XRCC3: variants seen among roughly 807,000 people sequenced by gnomAD.
XRCC3 encodes X-ray repair cross complementing 3, also known as DNA repair protein XRCC3.
Under a neutral mutation model 29.2 loss-of-function variants are expected in XRCC3, and 34 were observed. The ratio of observed to expected loss-of-function variants is 1.16; its 90% confidence interval spans 0.88 to 1.55. The LOEUF (loss-of-function observed/expected upper bound fraction) is 1.55. Among genes scored for constraint, XRCC3 ranks in the 40% most tolerant of loss-of-function variants. The pLI is 0.00. For synonymous variants in XRCC3, 223 were observed against 211.3 expected (o/e 1.06, Z -0.48); for missense variants, 463 against 467.6 (o/e 0.99, Z 0.09).
Position 103,703,173 on chromosome 14 carries a change from C to A in XRCC3, c.561G>T (p.Val187=), listed in dbSNP as rs2151930785. ...GTCATGGGGCTTCTCCCACACTCACCACATCGGCCACGTGCTCGATGAAGA... is the reference window on the plus strand; with the variant it reads ...GTCATGGGGCTTCTCCCACACTCACAACATCGGCCACGTGCTCGATGAAGA... ...SQIFIEHVAD[V]DTLLECVNKK... Residue 187 remains valine, a splice_region_variant and synonymous_variant, in exon 7 of 10, where the codon GTG becomes GTT. Coordinates refer to ENST00000555055, the MANE Select transcript of XRCC3 (RefSeq NM_005432.4). The A allele has an allele frequency of 6.4e-7, 1 of 1,567,590 alleles. No individual in the cohort carries two copies. The highest frequency in any genetic ancestry group is 1.2e-5 in the South Asian group (1 of 85,964).
At chr14:103,713,743 G>A (rs2083709879) in intron 1 of XRCC3, 1 of 152,274 alleles carries the variant, frequency 6.6e-6, no homozygotes, top group African/African-American at 2.4e-5. Flanking sequence ...ATGTTTTGGG[G>A]TGACCTGACC....
In XRCC3 at chr14:103,701,267, C is replaced by A. The variant is rs2083177814; in HGVS notation, c.562-1691G>T. ...GTGGCCCGGAGCTGGCCCGGGACAG[C>A]CAGGGCGGCAGGGAGGGCCCCTGGC... is the stretch of plus-strand genomic sequence containing the variant. On this transcript the variant is annotated intron_variant, in intron 7 of 9. Coordinates refer to ENST00000555055, the MANE Select transcript of XRCC3 (RefSeq NM_005432.4). The A allele has an allele frequency of 5.2e-6, 8 of 1,526,200 alleles. No individual in the cohort carries two copies. The Admixed American group carries it at 1.6e-4, about 30-fold the overall frequency. The allele number at this position is 1,526,200 out of a possible 1,614,324, so 94.5% of individuals were successfully genotyped here. A position where few individuals can be genotyped will look rare whatever the true frequency, so the allele number is the denominator to read the frequency against.
chr14:103,699,687 G>T, intron 7 of XRCC3, 111 bp from the exon 8 acceptor site: 1 of 1,019,466 alleles, frequency 9.8e-7, no homozygotes. Flanking sequence ...ACCCACCTGG[G>T]GCTCACAGTG....
intron 7 of XRCC3, chr14:103,699,904 C>T (rs912746475): frequency 2.8e-5 from 11 of 394,206 alleles, no homozygotes; most frequent in Non-Finnish European, 4.8e-5. Context: ...TTGCGGGGGT[C>T]TGCTCTCCTT....
chr14:103,707,372 AG>A, intron 5 of XRCC3, 157 bp from the exon 6 acceptor site: 1 of 806,072 alleles, frequency 1.2e-6, no homozygotes, highest in South Asian at 1.5e-5. Context: ...GAGGGCAGGG[AG>A]GGGGGCCCAG....
intron 2 of XRCC3, chr14:103,711,965 C>T (rs1452379456): frequency 2.9e-6 from 1 of 349,568 alleles, no homozygotes; most frequent in Non-Finnish European, 5.7e-6. Flanking sequence ...AGGCCTGGCG[C>T]CCTTGGCCGT....
rs2083617355 is a variant in XRCC3 at position 103,711,301 on chromosome 14, C to T, written c.-158-56G>A. On this transcript the variant is annotated intron_variant, in intron 3 of 9. Transcript: ENST00000555055. ...GAAGGCTGTCTAGCTACATCTAGGG[C>T]AACATGTCTGTCATTTACCTCTAAG... The T allele has an allele frequency of 1.2e-5, 8 of 681,356 alleles. No individual in the cohort carries two copies. In the South Asian group the frequency reaches 1.2e-4, roughly 11 times the overall value. The allele number at this position is 681,356 out of a possible 1,614,324, so 42.2% of individuals were successfully genotyped here.
intron 4 of XRCC3, 42 bp from the exon 5 acceptor site, chr14:103,708,701 C>A: frequency 1.2e-6 from 2 of 1,613,210 alleles, no homozygotes; most frequent in South Asian, 2.2e-5. Flanking sequence ...GTCAGACTGT[C>A]ACAACGCAGG....
In XRCC3 at chr14:103,699,003, C is replaced by G. The variant is rs745564626; in HGVS notation, c.836G>C (p.Arg279Pro). 6.3e-7 allele frequency: 1 copy of G among 1,590,896 alleles called. No individual in the cohort carries two copies. The highest frequency in any genetic ancestry group is 1.3e-5 in the African/African-American group (1 of 74,376). ...GGTTATGCCAAGGGCTGGGGAAACA[C>G]GTTCGTCCCAGAACCTGAGAAACAG... ...AHGPLGFWDE[R>P]VSPALGITWA... Residue 279 changes from arginine to proline, a missense_variant, in exon 10 of 10, where the codon CGT (arginine) becomes CCT (proline). Transcript: ENST00000555055.
intron 4 of XRCC3, chr14:103,709,587 TG>T (rs1033494779): frequency 6.6e-6 from 1 of 152,246 alleles, no homozygotes; most frequent in Non-Finnish European, 1.5e-5. Context: ...AGGGTGGGAA[TG>T]AAGAAAGCGC....
At chr14:103,710,644 G>C (rs1289706853) in intron 4 of XRCC3, 1 of 187,818 alleles carries the variant, frequency 5.3e-6, no homozygotes, top group Non-Finnish European at 1.1e-5. Context: ...GGGAGGCTGA[G>C]GCAGGAGAAT....
At chr14:103,700,457 C>G in intron 7 of XRCC3, 1 of 496,020 alleles carries the variant, frequency 2.0e-6, no homozygotes, top group South Asian at 3.1e-5. Flanking sequence ...CACAGCTGCT[C>G]CTGGCACCAA....
At chr14:103,712,636 C>A (rs545122386) in intron 2 of XRCC3, 1 of 152,424 alleles carries the variant, frequency 6.6e-6, no homozygotes, top group Non-Finnish European at 1.5e-5. Flanking sequence ...CAGATCTGCA[C>A]GGAGGGATGG....
intron 6 of XRCC3, chr14:103,705,709 G>A (rs1595663519): frequency 2.0e-5 from 3 of 153,484 alleles, no homozygotes; most frequent in Admixed American, 6.5e-5. Context: ...GATTCAGGGA[G>A]GGTGTCCTAA....
chr14:103,701,200 G>A, intron 7 of XRCC3: 1 of 1,551,016 alleles, frequency 6.4e-7, no homozygotes, highest in African/African-American at 1.4e-5. Context: ...TTCTCTTGCA[G>A]TGACCCCGAC....
chr14:103,707,677 T>C, intron 5 of XRCC3: 1 of 252,094 alleles, frequency 4.0e-6, no homozygotes, highest in Non-Finnish European at 7.9e-6. Flanking sequence ...GATACCATTC[T>C]GGAGCAATGC....
At chr14:103,707,766 G>C (rs755319135) in intron 5 of XRCC3, 2 of 204,856 alleles carry the variant, frequency 9.8e-6, no homozygotes, top group Non-Finnish European at 2.0e-5. Flanking sequence ...GCCCCTCAGG[G>C]CAAGGCTCAA....
At chr14:103,703,037 A>AC (rs2083288996) in intron 7 of XRCC3, 136 bp downstream of exon 7, 9 of 1,353,148 alleles carry the variant, frequency 6.7e-6, no homozygotes, top group Admixed American at 6.0e-5. Context: ...AACCCCCATG[A>AC]CCCATGCTGT....
At chr14:103,714,659 G>A (rs878989469) in intron 1 of XRCC3, among the ~76,000 whole-genome samples, 2 of 152,150 alleles carry the variant, frequency 1.3e-5, no homozygotes, top group Non-Finnish European at 2.9e-5. Flanking sequence ...TTAAAGGCAG[G>A]ATGAACAAAC....
Sources: allele counts gnomAD v4.1 joint callset (sites outside exome capture counted in the v4.1 genomes callset), GRCh38; gene constraint gnomAD v4.1.1; transcripts MANE v1.5; gene names NCBI Gene and HGNC (gene_info 2026-07-23, HGNC 2026-07-21).